PAM: variants seen among roughly 807,000 people sequenced by gnomAD.
PAM encodes the protein peptidylglycine alpha-amidating monooxygenase.
A neutral mutation model predicts 122.1 loss-of-function variants in PAM; 72 were observed. That is an observed-to-expected ratio of 0.59 (90% CI 0.49 to 0.72). The LOEUF (loss-of-function observed/expected upper bound fraction) is 0.72. Among genes scored for constraint, PAM ranks in the 30% least tolerant of loss-of-function variants. The probability of loss-of-function intolerance (pLI) is 0.00; values close to 1 mark genes in which losing one functional copy is unlikely to be tolerated. For synonymous variants in PAM, 389 were observed against 404.4 expected, an observed-to-expected ratio of 0.96 and a Z score of 0.46; for missense variants, 1,106 against 1,183.7, an observed-to-expected ratio of 0.93 and a Z score of 0.96.
intron 1 of PAM, among the ~76,000 whole-genome samples, chr5:102,770,273 CT>C (rs938863951): frequency 1.3e-5 from 2 of 152,072 alleles, no homozygotes; most frequent in Admixed American, 1.3e-4. Flanking sequence ...TTGGTGGAGT[CT>C]TTAGGTTTTT....
chr5:102,906,922 A>C (rs1799736020), intron 4 of PAM, among the ~76,000 whole-genome samples: 1 of 151,748 alleles, frequency 6.6e-6, no homozygotes, highest in Admixed American at 6.6e-5. Flanking sequence ...AGTAAAGCTT[A>C]TGCTGTTTTA....
At chr5:103,004,938 T>C (rs115888905) in intron 17 of PAM, among the ~76,000 whole-genome samples, 1,862 of 152,330 alleles carry the variant, frequency 0.012, 34 homozygotes, top group African/African-American at 0.043. Flanking sequence ...AATTTATAAA[T>C]TTTAATACTA....
chr5:102,804,328 T>G (rs1247183242), intron 1 of PAM, among the ~76,000 whole-genome samples: 1 of 152,010 alleles, frequency 6.6e-6, no homozygotes, highest in African/African-American at 2.4e-5. Flanking sequence ...TATAGAATTA[T>G]TAAAGGGGCG....
chr5:102,820,929 C>T (rs573410615), intron 1 of PAM, among the ~76,000 whole-genome samples: 127 of 152,234 alleles, frequency 8.3e-4, no homozygotes, highest in African/African-American at 2.8e-3. Context: ...CAAGAAAGGG[C>T]AAGAGTGACT....
intron 1 of PAM, among the ~76,000 whole-genome samples, chr5:102,820,625 C>T (rs1178726143): frequency 6.6e-6 from 1 of 151,976 alleles, no homozygotes; most frequent in Non-Finnish European, 1.5e-5. Context: ...CTTACACAAA[C>T]GTATAATCTA....
chr5:102,776,453 G>A (rs1015230859), intron 1 of PAM, among the ~76,000 whole-genome samples: 19 of 152,052 alleles, frequency 1.2e-4, no homozygotes, highest in South Asian at 6.2e-4. Flanking sequence ...TTCTTCTAGC[G>A]TTTTTATAGT....
chr5:102,889,422 C>T (rs548620715), intron 3 of PAM, among the ~76,000 whole-genome samples: 1 of 151,986 alleles, frequency 6.6e-6, no homozygotes, highest in East Asian at 2.0e-4. Context: ...CTCTTCTTGG[C>T]TCTTAGGTTT....
At chr5:102,764,710 GT>G (rs1009587040) in intron 1 of PAM, among the ~76,000 whole-genome samples, 46 of 152,236 alleles carry the variant, frequency 3.0e-4, no homozygotes, top group Admixed American at 3.0e-3. Context: ...ACAATCCCAG[GT>G]TGCTCCGCCA....
chr5:102,909,002 TCTTTA>T (rs1486386307), intron 4 of PAM, among the ~76,000 whole-genome samples: 1 of 151,866 alleles, frequency 6.6e-6, no homozygotes, highest in South Asian at 2.1e-4. Context: ...AGCATTACTA[TCTTTA>T]CTTTGAGCAG....
At chr5:102,894,064 T>TAGTC (rs1232149023) in intron 3 of PAM, among the ~76,000 whole-genome samples, 1 of 151,674 alleles carries the variant, frequency 6.6e-6, no homozygotes, top group African/African-American at 2.4e-5. Context: ...GACTGCTATG[T>TAGTC]ACCATTGCTG....
chr5:103,001,786 G>A (rs1035023722), intron 16 of PAM, among the ~76,000 whole-genome samples: 10 of 151,976 alleles, frequency 6.6e-5, no homozygotes, highest in Non-Finnish European at 1.3e-4. Flanking sequence ...GCAGCCAACT[G>A]ATGAATGGAT....
At chr5:103,008,584 G>A (rs894497993) in intron 20 of PAM, among the ~76,000 whole-genome samples, 1 of 152,064 alleles carries the variant, frequency 6.6e-6, no homozygotes, top group Non-Finnish European at 1.5e-5. Flanking sequence ...AGGTATTACT[G>A]TAATATTTAT....
At chr5:103,011,378 T>TGA (rs1236931240) in intron 21 of PAM, among the ~76,000 whole-genome samples, 1 of 148,616 alleles carries the variant, frequency 6.7e-6, no homozygotes, top group Non-Finnish European at 1.5e-5. Flanking sequence ...AAACACACAC[T>TGA]CACACACACA....
At chr5:102,949,413 A>T in intron 9 of PAM, 124 bp from the exon 10 acceptor site, 1 of 705,610 alleles carries the variant, frequency 1.4e-6, no homozygotes, top group Non-Finnish European at 2.6e-6. Context: ...ATATCTGTGT[A>T]TTTAAGTCAT....
chr5:102,815,682 C>T (rs1162568439), intron 1 of PAM, among the ~76,000 whole-genome samples: 1 of 152,090 alleles, frequency 6.6e-6, no homozygotes, highest in Non-Finnish European at 1.5e-5. Context: ...CAAAAATCAG[C>T]GTATATCTGA....
chr5:102,982,229 A>G (rs1314863149), intron 15 of PAM, among the ~76,000 whole-genome samples: 1 of 152,160 alleles, frequency 6.6e-6, no homozygotes, highest in African/African-American at 2.4e-5. Context: ...ACCCACCTGC[A>G]TGAGCCACAG....
At chr5:102,994,074 T>C (rs1486076390) in intron 16 of PAM, among the ~76,000 whole-genome samples, 1 of 152,062 alleles carries the variant, frequency 6.6e-6, no homozygotes, top group African/African-American at 2.4e-5. Flanking sequence ...TATCACAAAA[T>C]GCAACAATAA....
chr5:102,805,941 GAT>G (rs1766110749), intron 1 of PAM, among the ~76,000 whole-genome samples: 1 of 152,142 alleles, frequency 6.6e-6, no homozygotes, highest in Non-Finnish European at 1.5e-5. Flanking sequence ...ACTCACACTT[GAT>G]TTTTGTTTCT....
chr5:102,873,783 G>T (rs1337628883), intron 3 of PAM: 5 of 152,200 alleles, frequency 3.3e-5, no homozygotes, highest in Non-Finnish European at 7.3e-5. Context: ...CTAGAAAGAA[G>T]AATCCTGGGT....
Sources: gnomAD v4.1 joint callset for allele counts (sites outside exome capture counted in the v4.1 genomes callset) on GRCh38, gnomAD v4.1.1 for gene constraint, MANE v1.5 for transcripts, NCBI Gene and HGNC (gene_info 2026-07-23, HGNC 2026-07-21) for gene names.